The following CDH4 variants were observed in gnomAD, a reference collection of about 807,000 sequenced individuals.
CDH4 encodes the protein cadherin 4.
A neutral mutation model predicts 86.0 loss-of-function variants in CDH4; 33 were observed. The observed-to-expected ratio is 0.38, with a 90% CI of 0.29 to 0.51. The LOEUF is 0.51. Ranked by LOEUF, CDH4 falls within the 20% of genes least tolerant of loss-of-function variation. CDH4 has a pLI of 0.86. For missense variants in CDH4, 1,114 were observed against 1,307.4 expected, an observed-to-expected ratio of 0.85 and a Z score of 2.28; for synonymous variants, 555 against 549.4, an observed-to-expected ratio of 1.01 and a Z score of -0.14.
chr20:61,457,797 ATGC>A (rs1034622865), intron 2 of CDH4, among the ~76,000 whole-genome samples: 6 of 148,726 alleles, frequency 4.0e-5, no homozygotes, highest in African/African-American at 1.3e-4. Context: ...GACAGTGCTG[ATGC>A]TGGTGGTGGC....
intron 2 of CDH4, among the ~76,000 whole-genome samples, chr20:61,545,044 T>A (rs1240943342): frequency 6.6e-6 from 1 of 152,198 alleles, no homozygotes; most frequent in Non-Finnish European, 1.5e-5. Flanking sequence ...CCCTCTCAGA[T>A]GGCAGGAGCG....
chr20:61,282,828 T>C (rs148367931), intron 2 of CDH4, among the ~76,000 whole-genome samples: 32 of 152,170 alleles, frequency 2.1e-4, no homozygotes, highest in African/African-American at 7.7e-4. Flanking sequence ...TGTGCACGTG[T>C]GTGCGTGTGA....
At chr20:61,280,845 G>T (rs145376018) in intron 2 of CDH4, among the ~76,000 whole-genome samples, 1 of 152,080 alleles carries the variant, frequency 6.6e-6, no homozygotes, top group Admixed American at 6.5e-5. Context: ...CTCTCACCTC[G>T]CTACCCTCCC....
intron 4 of CDH4, among the ~76,000 whole-genome samples, chr20:61,793,837 T>TAA (rs377261591): frequency 7.6e-4 from 79 of 104,118 alleles, no homozygotes; most frequent in East Asian, 5.9e-3. Context: ...AGACTGCATT[T>TAA]AAAAAAAAAA....
intron 2 of CDH4, among the ~76,000 whole-genome samples, chr20:61,586,141 C>T (rs116706419): frequency 0.016 from 2,487 of 151,006 alleles, 72 homozygotes; most frequent in African/African-American, 0.057. Flanking sequence ...ATGGTCATGA[C>T]GGTGATTGTG....
intron 9 of CDH4, among the ~76,000 whole-genome samples, chr20:61,920,004 G>GATTGTGTGGAAGCGTGATA (rs1568887636): frequency 1.2e-4 from 2 of 16,358 alleles, no homozygotes; most frequent in Non-Finnish European, 1.4e-4. Context: ...GAAGTGTGGT[G>GATTGTGTGGAAGCGTGATA]TCACAGTGAT....
intron 4 of CDH4, among the ~76,000 whole-genome samples, chr20:61,773,703 C>G (rs780684960): frequency 6.6e-6 from 1 of 152,130 alleles, no homozygotes; most frequent in Non-Finnish European, 1.5e-5. Context: ...AGGCCATCAA[C>G]GAGCAATTTC....
In CDH4 at chr20:61,810,834, A is replaced by C. The variant is rs1451968336; in HGVS notation, c.577-33834A>C. On this transcript the variant is annotated intron_variant, in intron 4 of 15. Coordinates refer to ENST00000614565, the MANE Select transcript of CDH4 (RefSeq NM_001794.5). This position sits in a 1 kb window ranked among gnomAD's most constrained non-coding sequence, Gnocchi z 4.3. ...GTCACTTCTCCAGTCTCAGCTGCTC[A>C]ACAGAGCCACTGCCCCTTGGCCCGG... Among the ~76,000 whole-genome samples, 1 of 152,166 alleles carries C rather than the reference A, an allele frequency of 6.6e-6. No individual in the cohort carries two copies. Among genetic ancestry groups the C allele is most frequent in the Non-Finnish European group, 1.5e-5 (1 of 68,042 alleles).
chr20:61,415,307 G>A (rs2085140613), intron 2 of CDH4, among the ~76,000 whole-genome samples: 1 of 152,054 alleles, frequency 6.6e-6, no homozygotes, highest in South Asian at 2.1e-4. Flanking sequence ...GATTTTAAAT[G>A]TCTTAGTGGC....
chr20:61,573,227 C>T (rs1376123090), intron 2 of CDH4, among the ~76,000 whole-genome samples: 1 of 152,138 alleles, frequency 6.6e-6, no homozygotes, highest in Non-Finnish European at 1.5e-5. Context: ...AGAATAGAAC[C>T]CCACCCAGCA....
rs895521357 is a variant in CDH4 at position 61,706,041 on chromosome 20, C to T, written c.170-37522C>T. ...TTGGGATCTGAAAGCCCTGTTCTTC[C>T]CTTCCAGACAGAGAGCAAGCCGTCC... On this transcript the variant is annotated intron_variant, in intron 2 of 15. Transcript: ENST00000614565. Among the ~76,000 whole-genome samples, 6 of 152,340 alleles carry T rather than the reference C, an allele frequency of 3.9e-5. No individual in the cohort carries two copies. In the East Asian group the frequency reaches 1.2e-3, roughly 29 times the overall value.
At chr20:61,843,701 AAAAAAAT>A (rs1017564036) in intron 4 of CDH4, among the ~76,000 whole-genome samples, 4 of 132,760 alleles carry the variant, frequency 3.0e-5, no homozygotes, top group Non-Finnish European at 7.1e-5. Flanking sequence ...AAAAAAAAAA[AAAAAAAT>A]TCCTGTTCCA....
intron 7 of CDH4, among the ~76,000 whole-genome samples, chr20:61,892,785 C>G (rs1984879008): frequency 6.6e-6 from 1 of 152,150 alleles, no homozygotes; most frequent in South Asian, 2.1e-4. Flanking sequence ...CTGGAAAACC[C>G]TTCCATCCTT....
chr20:61,680,689 A>G (rs925258116), intron 2 of CDH4, among the ~76,000 whole-genome samples: 2 of 152,146 alleles, frequency 1.3e-5, no homozygotes, highest in Non-Finnish European at 2.9e-5. Context: ...TGGTTCAGCA[A>G]GTTCGATGCT....
At chr20:61,499,986 T>C (rs2085689081) in intron 2 of CDH4, among the ~76,000 whole-genome samples, 1 of 152,150 alleles carries the variant, frequency 6.6e-6, no homozygotes, top group South Asian at 2.1e-4. Context: ...TGTCCCTGAG[T>C]CATGCGCTAG....
intron 2 of CDH4, among the ~76,000 whole-genome samples, chr20:61,391,179 T>C (rs557177782): frequency 1.2e-3 from 186 of 151,918 alleles, no homozygotes; most frequent in African/African-American, 4.2e-3. Context: ...CCCCAAGATG[T>C]GCCCACTCTG....
At chr20:61,371,420 G>T (rs539908004) in intron 2 of CDH4, among the ~76,000 whole-genome samples, 1 of 152,230 alleles carries the variant, frequency 6.6e-6, no homozygotes, top group Non-Finnish European at 1.5e-5. Context: ...ACTTGTCCCC[G>T]CAGGTAAGAA....
chr20:61,671,845 G>A (rs2087392013), intron 2 of CDH4, among the ~76,000 whole-genome samples: 1 of 150,728 alleles, frequency 6.6e-6, no homozygotes, highest in Non-Finnish European at 1.5e-5. Context: ...ATGCATGGGT[G>A]GAAGGTGGAT....
chr20:61,699,927 C>T (rs1204272451), intron 2 of CDH4, among the ~76,000 whole-genome samples: 2 of 152,168 alleles, frequency 1.3e-5, no homozygotes, highest in Non-Finnish European at 2.9e-5. Flanking sequence ...CCAGGGGTTT[C>T]CACTGTTGGG....
Sources: gnomAD v4.1 joint callset for allele counts (sites outside exome capture counted in the v4.1 genomes callset) on GRCh38, gnomAD v4.1.1 for gene constraint, Gnocchi (gnomAD v3.1) non-coding constraint, MANE v1.5 for transcripts, NCBI Gene and HGNC (gene_info 2026-07-23, HGNC 2026-07-21) for gene names.